BCAS3: variants seen among roughly 807,000 people sequenced by gnomAD.
BCAS3 encodes the protein BCAS4/BCAS3 fusion.
BCAS3 carries 53 observed loss-of-function variants against 116.1 expected under a neutral mutation model. The observed-to-expected ratio is 0.46, with a 90% CI of 0.37 to 0.57. BCAS3 has a LOEUF of 0.57. Ranked by LOEUF, BCAS3 falls within the 20% of genes least tolerant of loss-of-function variation. BCAS3 has a pLI of 0.00. For synonymous variants in BCAS3, 391 were observed against 408.2 expected (o/e 0.96, Z 0.51); for missense variants, 917 against 1,165.4 (o/e 0.79, Z 3.10).
intron 22 of BCAS3, among the ~76,000 whole-genome samples, chr17:61,305,994 G>A (rs1455630995): frequency 6.6e-6 from 1 of 152,208 alleles, no homozygotes; most frequent in Non-Finnish European, 1.5e-5. Flanking sequence ...AATCCTGTGT[G>A]CTTCCTTCTT....
chr17:60,876,593 T>C (rs2055630295), intron 9 of BCAS3, among the ~76,000 whole-genome samples: 1 of 152,122 alleles, frequency 6.6e-6, no homozygotes, highest in Non-Finnish European at 1.5e-5. Flanking sequence ...AATGCTGCCT[T>C]CTGTTGAGAC....
chr17:61,137,433 G>C (rs1316619421), intron 22 of BCAS3, among the ~76,000 whole-genome samples: 2 of 152,214 alleles, frequency 1.3e-5, no homozygotes, highest in Non-Finnish European at 2.9e-5. Context: ...TAGCAAATAT[G>C]AGCAATTTCT....
rs9911306 is a variant in BCAS3, at chr17:61,020,456, G to C, written c.1637+4555G>C. On this transcript the variant is annotated intron_variant, in intron 16 of 23. Transcript: ENST00000407086. The surrounding 1 kb of genome is among the most constrained non-coding windows in gnomAD (Gnocchi z 4.5). ...TAACTCTGTGACAGTATACATTGAT[G>C]GAGGTAAAAGAAGTGTTAGACATTA... Among the ~76,000 whole-genome samples, 2,492 of 152,262 alleles carry C rather than the reference G, an allele frequency of 0.016. 68 individuals are homozygous for C. The highest frequency in any genetic ancestry group is 0.057 in the African/African-American group (2,366 of 41,554).
At chr17:60,844,876 G>T (rs1171176007) in intron 7 of BCAS3, among the ~76,000 whole-genome samples, 5 of 152,144 alleles carry the variant, frequency 3.3e-5, no homozygotes. Flanking sequence ...AGTTAATAAA[G>T]GTTTAAAGGC....
chr17:61,233,061 C>G lies in BCAS3; in HGVS notation c.2426-135266C>G, dbSNP rs1310388133. 6.6e-6 allele frequency among the ~76,000 whole-genome samples: 1 copy of G among 152,190 alleles called. No homozygotes were observed. Among genetic ancestry groups the G allele is most frequent in the African/African-American group, 2.4e-5 (1 of 41,450 alleles). ...CAGTGATCTGTAGCTAGACTGCGCT[C>G]TCTTGGGACTAACCTGTGTGACTAA... On this transcript the variant is annotated intron_variant, in intron 22 of 23. Transcript: ENST00000407086. This position sits in a 1 kb window ranked among gnomAD's most constrained non-coding sequence, Gnocchi z 4.3.
intron 6 of BCAS3, among the ~76,000 whole-genome samples, chr17:60,779,713 G>A (rs1024412257): frequency 2.0e-5 from 3 of 152,100 alleles, no homozygotes; most frequent in Admixed American, 6.6e-5. Flanking sequence ...AGCTTATTAT[G>A]TATATGTAAA....
chr17:61,388,490 T>G lies in BCAS3; in HGVS notation c.2594-3487T>G. ...GTCACTGTCCTCCTTGACTGCAAAC[T>G]CCCCCTCCTCACGGTGTGCCCCTGC... On this transcript the variant is annotated intron_variant, in intron 23 of 23. Coordinates refer to ENST00000407086, the MANE Select transcript of BCAS3 (RefSeq NM_017679.5). This position sits in a 1 kb window ranked among gnomAD's most constrained non-coding sequence, Gnocchi z 6.5. The G allele has an allele frequency of 5.0e-6, 4 of 796,296 alleles. No homozygotes were observed. Among genetic ancestry groups the G allele is most frequent in the Non-Finnish European group, 7.8e-6 (4 of 510,108 alleles). 49.3% of individuals were successfully genotyped at this position (796,296 alleles called of 1,614,324 possible). A position where few individuals can be genotyped will look rare whatever the true frequency, so the allele number is the denominator to read the frequency against.
chr17:60,711,137 C>T (rs2037868470), intron 5 of BCAS3, among the ~76,000 whole-genome samples: 1 of 148,808 alleles, frequency 6.7e-6, no homozygotes, highest in Non-Finnish European at 1.5e-5. Context: ...TATTAAGTAT[C>T]TAAGATGTGG....
At chr17:61,225,594 A>T (rs1050557117) in intron 22 of BCAS3, among the ~76,000 whole-genome samples, 4 of 152,194 alleles carry the variant, frequency 2.6e-5, no homozygotes, top group South Asian at 2.1e-4. Flanking sequence ...TTTCCTCAAC[A>T]TCTTAATTAT....
rs1384241643 is a variant in BCAS3 at position 61,326,401 on chromosome 17, T to C, written c.2426-41926T>C. Among the ~76,000 whole-genome samples the C allele has an allele frequency of 6.6e-6, 1 of 152,220 alleles. No homozygotes were observed. Among genetic ancestry groups the C allele is most frequent in the Non-Finnish European group, 1.5e-5 (1 of 68,042 alleles). On this transcript the variant is annotated intron_variant, in intron 22 of 23. Coordinates refer to ENST00000407086, the MANE Select transcript of BCAS3 (RefSeq NM_017679.5). The surrounding 1 kb of genome is among the most constrained non-coding windows in gnomAD (Gnocchi z 5.3). ...TGACTGTGGGGTCTTGCTGCTCATG[T>C]GGACTTTAGTTTTATCCTAAATGAG...
At chr17:60,975,163 G>T (rs971013340) in intron 14 of BCAS3, among the ~76,000 whole-genome samples, 1 of 151,314 alleles carries the variant, frequency 6.6e-6, no homozygotes, top group Non-Finnish European at 1.5e-5. Flanking sequence ...CACCGCGCCC[G>T]GCTAATTTTT....
rs2063702242 is a variant in BCAS3, at chr17:60,994,194, C to A, written c.1486+3959C>A. On this transcript the variant is annotated intron_variant, in intron 15 of 23. Transcript: ENST00000407086. This position sits in a 1 kb window ranked among gnomAD's most constrained non-coding sequence, Gnocchi z 4.4. ...ATATGAAATATATATCTTGAAGTAT[C>A]TTGCATTATTGAATATATTTTAAAA... 6.6e-6 allele frequency among the ~76,000 whole-genome samples: 1 copy of A among 151,840 alleles called. No homozygotes were observed. Among genetic ancestry groups the A allele is most frequent in the Non-Finnish European group, 1.5e-5 (1 of 67,916 alleles).
Position 61,388,630 on chromosome 17 carries a change from GA to G in BCAS3, c.2594-3337del, listed in dbSNP as rs749349621. ...TTCTTTTCAAAAGGGAAAAAAAAAGGAAAAAAAAAACAATGCCAACAGCCCA... is the reference window on the plus strand; with the variant it reads ...TTCTTTTCAAAAGGGAAAAAAAAAGGAAAAAAAAACAATGCCAACAGCCCA... On this transcript the variant is annotated intron_variant, in intron 23 of 23. Coordinates refer to ENST00000407086, the MANE Select transcript of BCAS3 (RefSeq NM_017679.5). The surrounding 1 kb of genome is among the most constrained non-coding windows in gnomAD (Gnocchi z 6.5). The G allele has an allele frequency of 1.0e-4, 139 of 1,369,936 alleles. No individual in the cohort carries two copies. The highest frequency in any genetic ancestry group is 5.2e-4 in the Admixed American group (23 of 44,658). The allele number at this position is 1,369,936 out of a possible 1,614,324, so 84.9% of individuals were successfully genotyped here. A position where few individuals can be genotyped will look rare whatever the true frequency, so the allele number is the denominator to read the frequency against.
Position 60,868,567 on chromosome 17 carries a change from C to CT in BCAS3, c.477-3dup. 1 of 1,509,692 alleles carries CT rather than the reference C, an allele frequency of 6.6e-7. No individual in the cohort carries two copies. The highest frequency in any genetic ancestry group is 2.5e-5 in the Admixed American group (1 of 40,474). 93.5% of individuals were successfully genotyped at this position (1,509,692 alleles called of 1,614,324 possible). ...AAAATGACATTTTTCTTTCTTTTTTCTTTTTTAGCACAAGCCCACCGTACT... is the reference window on the plus strand; with the variant it reads ...AAAATGACATTTTTCTTTCTTTTTTCTTTTTTTAGCACAAGCCCACCGTACT... On this transcript the variant is annotated splice_polypyrimidine_tract_variant and intron_variant, in intron 7 of 23. Transcript: ENST00000407086.
At chr17:61,052,658 GTTT>G (rs1233383721) in intron 19 of BCAS3, among the ~76,000 whole-genome samples, 1 of 147,926 alleles carries the variant, frequency 6.8e-6, no homozygotes, top group East Asian at 2.0e-4. Context: ...CAAAATCTTA[GTTT>G]TTATTATGCT....
chr17:61,109,191 A>G (rs1028018529), intron 22 of BCAS3, among the ~76,000 whole-genome samples: 1 of 151,816 alleles, frequency 6.6e-6, no homozygotes, highest in African/African-American at 2.4e-5. Flanking sequence ...TCTCAAAAAA[A>G]AAAAAAAAAA....
At chr17:61,369,540 G>A (rs951254912) in intron 23 of BCAS3, among the ~76,000 whole-genome samples, 9 of 152,290 alleles carry the variant, frequency 5.9e-5, no homozygotes, top group Admixed American at 3.9e-4. Flanking sequence ...CTTCCCCGTG[G>A]CTCCTCCAGA....
chr17:61,069,996 G>T (rs548899499), intron 19 of BCAS3: 1 of 1,591,134 alleles, frequency 6.3e-7, no homozygotes, highest in East Asian at 2.2e-5. Flanking sequence ...AGATCCGCAC[G>T]TCACCCACCT....
intron 7 of BCAS3, among the ~76,000 whole-genome samples, chr17:60,813,940 A>T (rs556267079): frequency 6.6e-6 from 1 of 152,128 alleles, no homozygotes; most frequent in African/African-American, 2.4e-5. Context: ...GCCTTATAGT[A>T]TAGTTTGAAG....
Sources: gnomAD v4.1 joint callset for allele counts (sites outside exome capture counted in the v4.1 genomes callset) on GRCh38, gnomAD v4.1.1 for gene constraint, Gnocchi (gnomAD v3.1) non-coding constraint, MANE v1.5 for transcripts, NCBI Gene and HGNC (gene_info 2026-07-23, HGNC 2026-07-21) for gene names.